Variants in RALGPS1 observed in about 807,000 individuals in gnomAD.
The protein encoded by RALGPS1 is ras-specific guanine nucleotide-releasing factor RalGPS1.
RALGPS1 carries 19 observed loss-of-function variants against 78.8 expected under a neutral mutation model. That is an observed-to-expected ratio of 0.24 (90% CI 0.17 to 0.35). The LOEUF is 0.35. RALGPS1 is among the 10% of genes least tolerant of loss of function. RALGPS1 has a pLI of 1.00. For missense variants in RALGPS1, 454 were observed against 688.3 expected (o/e 0.66, Z 3.81); for synonymous variants, 228 against 256.3 (o/e 0.89, Z 1.06).
intron 8 of RALGPS1, among the ~76,000 whole-genome samples, chr9:127,160,033 T>C (rs2058932703): frequency 6.6e-6 from 1 of 152,142 alleles, no homozygotes; most frequent in Non-Finnish European, 1.5e-5. Flanking sequence ...ATTAAAAAGA[T>C]AGCTGTATGA....
intron 8 of RALGPS1, among the ~76,000 whole-genome samples, chr9:127,149,892 G>A (rs916224993): frequency 6.6e-6 from 1 of 152,206 alleles, no homozygotes; most frequent in Non-Finnish European, 1.5e-5. Context: ...ATGAGCTGAG[G>A]AGATGGCTCA....
At chr9:127,042,840 A>G (rs1016738857) in intron 5 of RALGPS1, among the ~76,000 whole-genome samples, 1 of 152,222 alleles carries the variant, frequency 6.6e-6, no homozygotes, top group African/African-American at 2.4e-5. Context: ...GACACAGGCC[A>G]GTATACAAGA....
At chr9:127,108,438 CTTGAGCAGCTCATTG>C (rs1564595072) in intron 8 of RALGPS1, 4 of 1,609,620 alleles carry the variant, frequency 2.5e-6, no homozygotes, top group Admixed American at 1.7e-5. Flanking sequence ...GCCGCTTCTG[CTTGAGCAGCTCATTG>C]TTGAGCAGCT....
chr9:127,081,961 A>G lies in RALGPS1; in HGVS notation c.610+12605A>G, dbSNP rs1311852314. Among the ~76,000 whole-genome samples, 3 of 152,236 alleles carry G rather than the reference A, an allele frequency of 2.0e-5. No individual in the cohort carries two copies. In the East Asian group the frequency reaches 5.8e-4, roughly 29 times the overall value. On this transcript the variant is annotated intron_variant, in intron 8 of 18. Transcript: ENST00000259351. ...CTGAGCTGGCCCAGGATGGCCATTC[A>G]GGAGAGACACGGATATTTGAATGTC...
At chr9:126,929,468 T>A (rs1208009885) in intron 1 of RALGPS1, among the ~76,000 whole-genome samples, 1 of 152,192 alleles carries the variant, frequency 6.6e-6, no homozygotes, top group Non-Finnish European at 1.5e-5. Context: ...TTTTATTTTT[T>A]GAGACGGAGT....
intron 3 of RALGPS1, among the ~76,000 whole-genome samples, chr9:126,974,728 T>G (rs2040437609): frequency 6.6e-6 from 1 of 152,062 alleles, no homozygotes; most frequent in South Asian, 2.1e-4. Flanking sequence ...GACTTACGAG[T>G]GTTCTCGCTC....
chr9:127,151,294 C>T (rs897581920), intron 8 of RALGPS1, among the ~76,000 whole-genome samples: 3 of 150,740 alleles, frequency 2.0e-5, no homozygotes, highest in African/African-American at 7.3e-5. Flanking sequence ...AAAAAAAGTG[C>T]GTTGACCAGA....
At chr9:126,930,375 G>C (rs2035682700) in intron 1 of RALGPS1, among the ~76,000 whole-genome samples, 1 of 151,894 alleles carries the variant, frequency 6.6e-6, no homozygotes, top group Non-Finnish European at 1.5e-5. Flanking sequence ...ATTCCTATGA[G>C]ATATTTTATA....
At chr9:127,113,460 T>C (rs1260919308) in intron 8 of RALGPS1, among the ~76,000 whole-genome samples, 2 of 151,794 alleles carry the variant, frequency 1.3e-5, no homozygotes, top group African/African-American at 2.4e-5. Context: ...TTTGCTCTCT[T>C]GATATTTATT....
chr9:127,091,901 G>A lies in RALGPS1; in HGVS notation c.610+22545G>A. The stretch of plus-strand genomic sequence containing the variant: ...TTCGTCAGCCAGTAAATGTTCTCCA[G>A]GCCCAGCCAGTATTCGCCGTCAATG... On this transcript the variant is annotated intron_variant, in intron 8 of 18. Transcript: ENST00000259351. This position sits in a 1 kb window ranked among gnomAD's most constrained non-coding sequence, Gnocchi z 4.3. 6.2e-7 allele frequency: 1 copy of A among 1,614,144 alleles called. No homozygotes were observed. Among genetic ancestry groups the A allele is most frequent in the Non-Finnish European group, 8.5e-7 (1 of 1,180,042 alleles).
chr9:127,113,179 T>C (rs1280763786), intron 8 of RALGPS1, among the ~76,000 whole-genome samples: 1 of 152,102 alleles, frequency 6.6e-6, no homozygotes, highest in Non-Finnish European at 1.5e-5. Context: ...GGTGGGTTGT[T>C]ATTCACCCCT....
chr9:127,084,054 G>A (rs1429465681), intron 8 of RALGPS1, among the ~76,000 whole-genome samples: 2 of 152,032 alleles, frequency 1.3e-5, no homozygotes, highest in East Asian at 1.9e-4. Flanking sequence ...AGGACCACAG[G>A]TACATGCCAT....
At position 127,174,808 on chromosome 9, in the gene RALGPS1, C is replaced by G. The variant is rs79101325; in HGVS notation, c.910+26C>G. The G allele has an allele frequency of 2.1e-4, 343 of 1,602,814 alleles. 1 individual carries two copies. The East Asian group carries it at 6.4e-3, about 30-fold the overall frequency. ...GTATCGTAGCTACCTCGAGTGGGAG[C>G]AAACCCACTTAATAGCCTAATTGTG... On this transcript the variant is annotated intron_variant, in intron 11 of 18. Coordinates refer to ENST00000259351, the MANE Select transcript of RALGPS1 (RefSeq NM_014636.3).
At chr9:126,997,017 T>C (rs1320178098) in intron 4 of RALGPS1, among the ~76,000 whole-genome samples, 1 of 152,184 alleles carries the variant, frequency 6.6e-6, no homozygotes, top group Non-Finnish European at 1.5e-5. Flanking sequence ...AAATTAGATA[T>C]TGATGGGACG....
At chr9:126,947,932 CAGA>C (rs1477984301) in intron 1 of RALGPS1, among the ~76,000 whole-genome samples, 3 of 152,152 alleles carry the variant, frequency 2.0e-5, no homozygotes. Flanking sequence ...CTTTTTGTTA[CAGA>C]AGGTTTTTTT....
chr9:126,944,402 T>C (rs897161319), intron 1 of RALGPS1, among the ~76,000 whole-genome samples: 9 of 152,092 alleles, frequency 5.9e-5, no homozygotes, highest in Non-Finnish European at 1.3e-4. Flanking sequence ...GACCCCCTGC[T>C]CCCTACACGC....
In RALGPS1 at chr9:127,049,937, T is replaced by C; in HGVS notation, c.301-106T>C. The C allele has an allele frequency of 8.5e-6, 7 of 827,728 alleles. No individual in the cohort carries two copies. The South Asian group carries it at 1.0e-4, about 12-fold the overall frequency. The allele number at this position is 827,728 out of a possible 1,614,324, so 51.3% of individuals were successfully genotyped here. ...GCTATCCTCTCCCAGTTTCCTGACC[T>C]CTTGGAAATCCCATAACAGCGGTGG... is the stretch of plus-strand genomic sequence containing the variant. On this transcript the variant is annotated intron_variant, in intron 5 of 18. Coordinates refer to ENST00000259351, the MANE Select transcript of RALGPS1 (RefSeq NM_014636.3).
chr9:127,123,712 A>G (rs2056372648), intron 8 of RALGPS1, among the ~76,000 whole-genome samples: 1 of 152,170 alleles, frequency 6.6e-6, no homozygotes, highest in Non-Finnish European at 1.5e-5. Context: ...AAAGGAGAGG[A>G]TGGCACTGGA....
intron 1 of RALGPS1, among the ~76,000 whole-genome samples, chr9:126,945,234 T>C (rs1034797534): frequency 3.3e-5 from 5 of 152,144 alleles, no homozygotes; most frequent in African/African-American, 1.2e-4. Flanking sequence ...AGTCTCACTC[T>C]GTCACCCAGG....
Sources: allele counts gnomAD v4.1 joint callset (sites outside exome capture counted in the v4.1 genomes callset), GRCh38; gene constraint gnomAD v4.1.1; non-coding constraint Gnocchi (gnomAD v3.1); transcripts MANE v1.5; gene names NCBI Gene and HGNC (gene_info 2026-07-23, HGNC 2026-07-21).